ULK4: variants seen among roughly 807,000 people sequenced by gnomAD.
ULK4 encodes unc-51 like kinase 4.
ULK4 carries 133 observed loss-of-function variants against 160.6 expected under a neutral mutation model. The observed-to-expected ratio is 0.83, with a 90% confidence interval of 0.72 to 0.96. The LOEUF is 0.96. ULK4 is among the 40% of genes least tolerant of loss of function. ULK4 has a pLI of 0.00. For missense variants in ULK4, 1,580 were observed against 1,499.5 expected (o/e 1.05, Z -0.89); for synonymous variants, 534 against 539.8 (o/e 0.99, Z 0.15).
chr3:41,536,157 A>G (rs549618955), intron 32 of ULK4, among the ~76,000 whole-genome samples: 3 of 151,860 alleles, frequency 2.0e-5, no homozygotes, highest in Non-Finnish European at 4.4e-5. Flanking sequence ...CAGATTGTCA[A>G]CCTCTTTTCT....
intron 34 of ULK4, among the ~76,000 whole-genome samples, chr3:41,398,792 GT>G (rs200925869): frequency 7.3e-5 from 11 of 151,564 alleles, no homozygotes; most frequent in South Asian, 6.2e-4. Flanking sequence ...TTTTTAAAAA[GT>G]TTTTTTTATT....
chr3:41,734,795 A>C (rs946547589), intron 22 of ULK4, among the ~76,000 whole-genome samples: 1 of 152,214 alleles, frequency 6.6e-6, no homozygotes, highest in East Asian at 1.9e-4. Flanking sequence ...TAAAAACAGG[A>C]AATTGTACCA....
At chr3:41,930,556 T>C (rs1699556798) in intron 5 of ULK4, among the ~76,000 whole-genome samples, 1 of 152,126 alleles carries the variant, frequency 6.6e-6, no homozygotes, top group Admixed American at 6.5e-5. Flanking sequence ...ACAGACAACT[T>C]ACAGAATGGG....
At chr3:41,826,941 G>C (rs1403929024) in intron 18 of ULK4, among the ~76,000 whole-genome samples, 2 of 142,668 alleles carry the variant, frequency 1.4e-5, no homozygotes, top group Non-Finnish European at 3.0e-5. Flanking sequence ...TAAAAGAACA[G>C]AAATTACAAC....
intron 35 of ULK4, among the ~76,000 whole-genome samples, chr3:41,387,158 A>G (rs527250006): frequency 6.6e-6 from 1 of 152,312 alleles, no homozygotes; most frequent in East Asian, 1.9e-4. Context: ...GTTTCGATAC[A>G]TATAATGTAT....
chr3:41,334,543 A>ATG (rs1322833772), intron 35 of ULK4, among the ~76,000 whole-genome samples: 7 of 152,302 alleles, frequency 4.6e-5, no homozygotes, highest in South Asian at 4.1e-4. Flanking sequence ...AAATATATAT[A>ATG]AAAAGTGAGC....
intron 32 of ULK4, among the ~76,000 whole-genome samples, chr3:41,546,809 T>G (rs1691953): frequency 0.51 from 74,427 of 146,384 alleles, 19,189 homozygotes; most frequent in Middle Eastern, 0.56. Context: ...TGAACACAAG[T>G]TTCACCTCAC....
At chr3:41,508,614 G>A (rs941947246) in intron 32 of ULK4, among the ~76,000 whole-genome samples, 1 of 152,160 alleles carries the variant, frequency 6.6e-6, no homozygotes, top group East Asian at 1.9e-4. Flanking sequence ...GGTATTCACA[G>A]CCGAAAGACA....
intron 34 of ULK4, among the ~76,000 whole-genome samples, chr3:41,429,462 C>T (rs2082852647): frequency 6.6e-6 from 1 of 152,134 alleles, no homozygotes; most frequent in Admixed American, 6.5e-5. Flanking sequence ...GTATTCACTG[C>T]AGCACTATTC....
At chr3:41,653,405 GCACC>G (rs996392910) in intron 30 of ULK4, among the ~76,000 whole-genome samples, 1 of 152,076 alleles carries the variant, frequency 6.6e-6, no homozygotes, top group Non-Finnish European at 1.5e-5. Context: ...TCCTCACATG[GCACC>G]CAGTGGCATG....
At chr3:41,919,453 A>G (rs1205231344) in intron 6 of ULK4, among the ~76,000 whole-genome samples, 1 of 152,004 alleles carries the variant, frequency 6.6e-6, no homozygotes, top group African/African-American at 2.4e-5. Flanking sequence ...AATAGAAAAA[A>G]CTGCCAGGCA....
intron 20 of ULK4, among the ~76,000 whole-genome samples, chr3:41,794,771 G>A (rs1217832139): frequency 6.6e-6 from 1 of 151,646 alleles, no homozygotes; most frequent in African/African-American, 2.4e-5. Context: ...GCAGAGTCAG[G>A]GAGGTCCTAA....
At chr3:41,832,738 A>G (rs1023446420) in intron 18 of ULK4, among the ~76,000 whole-genome samples, 1 of 152,200 alleles carries the variant, frequency 6.6e-6, no homozygotes, top group African/African-American at 2.4e-5. Flanking sequence ...GAATGCATCC[A>G]GTTTCAGTTT....
intron 32 of ULK4, among the ~76,000 whole-genome samples, chr3:41,553,789 C>CTT (rs2087175466): frequency 1.8e-5 from 1 of 54,324 alleles, no homozygotes; most frequent in African/African-American, 3.7e-5. Context: ...GTAAATGGGG[C>CTT]ATCCATCCCA....
chr3:41,746,221 C>CCA (rs1330130694), intron 22 of ULK4, among the ~76,000 whole-genome samples: 3 of 137,486 alleles, frequency 2.2e-5, no homozygotes, highest in Non-Finnish European at 3.0e-5. Context: ...ATAAAACTGT[C>CCA]CACATTTACA....
At chr3:41,708,677 G>A (rs1371148920) in intron 25 of ULK4, among the ~76,000 whole-genome samples, 3 of 152,158 alleles carry the variant, frequency 2.0e-5, no homozygotes, top group Non-Finnish European at 2.9e-5. Context: ...ACGAAACAGA[G>A]GTTGCAGTAG....
Position 41,370,839 on chromosome 3 carries a change from T to C in ULK4, c.3678+27240A>G, listed in dbSNP as rs118089592. ...AGGGGGCTGAAGCCAGGGAGCCAAGTGGTCTTGCTCAGCGGATTCTACCCC... is the reference window on the plus strand; with the variant it reads ...AGGGGGCTGAAGCCAGGGAGCCAAGCGGTCTTGCTCAGCGGATTCTACCCC... On this transcript the variant is annotated intron_variant, in intron 35 of 36. Transcript: ENST00000301831. Among the ~76,000 whole-genome samples the C allele has an allele frequency of 2.9e-3, 442 of 152,264 alleles. 2 individuals are homozygous for C. The highest frequency in any genetic ancestry group is 0.015 in the East Asian group (77 of 5,168).
intron 35 of ULK4, among the ~76,000 whole-genome samples, chr3:41,306,204 C>T (rs867089619): frequency 2.7e-4 from 23 of 84,784 alleles, no homozygotes; most frequent in South Asian, 4.1e-4. Flanking sequence ...CCCCCCACCC[C>T]GCCCGGGAGG....
intron 25 of ULK4, among the ~76,000 whole-genome samples, chr3:41,711,632 T>C (rs1481320482): frequency 6.6e-6 from 1 of 152,138 alleles, no homozygotes; most frequent in Admixed American, 6.5e-5. Context: ...AAGTATAACC[T>C]TTCATAGTTA....
Sources: allele counts gnomAD v4.1 joint callset (sites outside exome capture counted in the v4.1 genomes callset), GRCh38; gene constraint gnomAD v4.1.1; transcripts MANE v1.5; gene names NCBI Gene and HGNC (gene_info 2026-07-23, HGNC 2026-07-21).